GALNT18: variants seen among roughly 807,000 people sequenced by gnomAD.
The protein encoded by GALNT18 is polypeptide N-acetylgalactosaminyltransferase 18, also known as GalNAc-transferase 18.
In GALNT18, 44 loss-of-function variants were observed where a neutral mutation model predicts 69.5. That is an observed-to-expected ratio of 0.63 (90% CI 0.50 to 0.81). The LOEUF is 0.81. GALNT18 is among the 40% of genes least tolerant of loss of function. The probability of loss-of-function intolerance (pLI) is 0.00; values close to 1 mark genes in which losing one functional copy is unlikely to be tolerated. For missense variants in GALNT18, 715 were observed against 810.0 expected, an observed-to-expected ratio of 0.88 and a Z score of 1.42; for synonymous variants, 364 against 318.2, an observed-to-expected ratio of 1.14 and a Z score of -1.53.
At chr11:11,576,778 G>A (rs1858936013) in intron 1 of GALNT18, among the ~76,000 whole-genome samples, 2 of 152,222 alleles carry the variant, frequency 1.3e-5, no homozygotes, top group African/African-American at 2.4e-5. Context: ...ATGAGAATGT[G>A]CTTTTATAAA....
rs1855728540 is a variant in GALNT18 at position 11,448,949 on chromosome 11, G to A, written c.236-13C>T. 5.1e-6 allele frequency: 8 copies of A among 1,565,622 alleles called. No individual in the cohort carries two copies. Among genetic ancestry groups the A allele is most frequent in the South Asian group, 1.2e-5 (1 of 85,246 alleles). ...TTGGCAGGAGCCTCTGGAGAAAGAAGGAACAGGAGACAGTGGGTCAGAGTG... is the reference window on the plus strand; with the variant it reads ...TTGGCAGGAGCCTCTGGAGAAAGAAAGAACAGGAGACAGTGGGTCAGAGTG... On this transcript the variant is annotated splice_polypyrimidine_tract_variant and intron_variant, in intron 1 of 10. Transcript: ENST00000227756.
intron 1 of GALNT18, among the ~76,000 whole-genome samples, chr11:11,560,185 TGATGGGATG>T (rs1858469526): frequency 1.1e-4 from 3 of 27,210 alleles, no homozygotes; most frequent in African/African-American, 4.3e-4. Flanking sequence ...GAATGAGATA[TGATGGGATG>T]GGTGAGATAG....
intron 10 of GALNT18, among the ~76,000 whole-genome samples, chr11:11,278,456 A>T (rs1479420775): frequency 1.5e-4 from 23 of 152,166 alleles, no homozygotes; most frequent in African/African-American, 5.3e-4. Context: ...TGGCACGTGT[A>T]TACCTCTGTA....
intron 10 of GALNT18, among the ~76,000 whole-genome samples, chr11:11,273,479 G>A (rs1564872994): frequency 6.6e-6 from 1 of 152,122 alleles, no homozygotes. Flanking sequence ...AGAAAAGTAA[G>A]CAAAAACTAT....
chr11:11,416,101 G>C (rs550911950), intron 3 of GALNT18, among the ~76,000 whole-genome samples: 8 of 152,308 alleles, frequency 5.3e-5, no homozygotes, highest in African/African-American at 1.9e-4. Context: ...ACACAGACAA[G>C]CTCGCAGACA....
intron 6 of GALNT18, among the ~76,000 whole-genome samples, chr11:11,353,935 T>C (rs942037277): frequency 2.6e-5 from 4 of 152,308 alleles, no homozygotes; most frequent in South Asian, 4.1e-4. Context: ...CTGGTGTCTA[T>C]GTGTCTGGCT....
rs1159968814 is a variant in GALNT18 at position 11,484,593 on chromosome 11, CAAAAAAA to C, written c.236-35664_236-35658del. Among the ~76,000 whole-genome samples, 7 of 83,060 alleles carry C rather than the reference CAAAAAAA, an allele frequency of 8.4e-5. 1 individual carries two copies. In the East Asian group the frequency reaches 2.0e-3, roughly 24 times the overall value. 54.5% of individuals were successfully genotyped at this position (83,060 alleles called of 152,430 possible). On this transcript the variant is annotated intron_variant, in intron 1 of 10. Coordinates refer to ENST00000227756, the MANE Select transcript of GALNT18 (RefSeq NM_198516.3). ...GGGCAAAAAGAGCAAAACTCCATCTCAAAAAAAAAAAAAAAAAAAAAAATACCCAAGT... is the reference window on the plus strand; with the variant it reads ...GGGCAAAAAGAGCAAAACTCCATCTCAAAAAAAAAAAAAAAATACCCAAGT...
At position 11,356,741 on chromosome 11, in the gene GALNT18, G is replaced by GA. The variant is rs931510240; in HGVS notation, c.1093-15738dup. On this transcript the variant is annotated intron_variant, in intron 6 of 10. Transcript: ENST00000227756. This position sits in a 1 kb window ranked among gnomAD's most constrained non-coding sequence, Gnocchi z 4.4. Reference sequence around the variant, plus strand: ...TACAGCTCCCTCATTGAATGCAATTGAAAAAACCAAAGTGTGAAGACCATT... The same window carrying GA: ...TACAGCTCCCTCATTGAATGCAATTGAAAAAAACCAAAGTGTGAAGACCATT... Among the ~76,000 whole-genome samples, 7 of 152,212 alleles carry GA rather than the reference G, an allele frequency of 4.6e-5. No homozygotes were observed. Among genetic ancestry groups the GA allele is most frequent in the Non-Finnish European group, 1.0e-4 (7 of 68,010 alleles).
At position 11,496,455 on chromosome 11, in the gene GALNT18, C is replaced by T. The variant is rs1272684171; in HGVS notation, c.236-47519G>A. On this transcript the variant is annotated intron_variant, in intron 1 of 10. Coordinates refer to ENST00000227756, the MANE Select transcript of GALNT18 (RefSeq NM_198516.3). This position sits in a 1 kb window ranked among gnomAD's most constrained non-coding sequence, Gnocchi z 4.0. ...CCCAAACTTACCCAGCAGTACATTG[C>T]TATCAACTCCAATAATGGGGCATGC... Among the ~76,000 whole-genome samples, 1 of 152,204 alleles carries T rather than the reference C, an allele frequency of 6.6e-6. No homozygotes were observed. The highest frequency in any genetic ancestry group is 1.9e-4 in the East Asian group (1 of 5,194).
At position 11,402,559 on chromosome 11, in the gene GALNT18, G is replaced by A. The variant is rs1262530092; in HGVS notation, c.596-23295C>T. Among the ~76,000 whole-genome samples the A allele has an allele frequency of 2.0e-5, 3 of 152,228 alleles. No individual in the cohort carries two copies. Among genetic ancestry groups the A allele is most frequent in the Non-Finnish European group, 2.9e-5 (2 of 68,040 alleles). Reference sequence around the variant, plus strand: ...TCAGGGCATGGAGTTATGTGACACTGAGGACATCAGCCACAGCTCTTGGAG... The same window carrying A: ...TCAGGGCATGGAGTTATGTGACACTAAGGACATCAGCCACAGCTCTTGGAG... On this transcript the variant is annotated intron_variant, in intron 3 of 10. Coordinates refer to ENST00000227756, the MANE Select transcript of GALNT18 (RefSeq NM_198516.3). This position sits in a 1 kb window ranked among gnomAD's most constrained non-coding sequence, Gnocchi z 4.0.
chr11:11,499,427 G>A (rs985165296), intron 1 of GALNT18, among the ~76,000 whole-genome samples: 1 of 151,666 alleles, frequency 6.6e-6, no homozygotes, highest in Non-Finnish European at 1.5e-5. Flanking sequence ...ACTGCAGCCT[G>A]TTACCTCCCT....
At chr11:11,437,557 G>A (rs369164184) in intron 2 of GALNT18, among the ~76,000 whole-genome samples, 262 of 152,232 alleles carry the variant, frequency 1.7e-3, no homozygotes, top group South Asian at 6.0e-3. Flanking sequence ...TCATGTGAGA[G>A]GCGGGGAAGC....
At chr11:11,280,388 T>C (rs531106029) in intron 10 of GALNT18, among the ~76,000 whole-genome samples, 1 of 152,206 alleles carries the variant, frequency 6.6e-6, no homozygotes, top group African/African-American at 2.4e-5. Flanking sequence ...ATGGGACCCT[T>C]CAGCTCTGCT....
At position 11,333,737 on chromosome 11, in the gene GALNT18, G is replaced by A. The variant is rs147900862; in HGVS notation, c.1279-906C>T. 3.6e-3 allele frequency among the ~76,000 whole-genome samples: 549 copies of A among 152,258 alleles called. 2 individuals are homozygous for A. The highest frequency in any genetic ancestry group is 5.7e-3 in the Non-Finnish European group (391 of 68,010). On this transcript the variant is annotated intron_variant, in intron 7 of 10. Coordinates refer to ENST00000227756, the MANE Select transcript of GALNT18 (RefSeq NM_198516.3). ...ACCACGGTGCAGCAGCCAGGGAGCA[G>A]AAGTGACACATGATTGTGTCCAGGA...
intron 1 of GALNT18, among the ~76,000 whole-genome samples, chr11:11,559,942 G>A (rs550232283): frequency 2.7e-5 from 4 of 146,864 alleles, no homozygotes; most frequent in African/African-American, 1.0e-4. Flanking sequence ...TGATGGGATA[G>A]AATAGAATGG....
At chr11:11,403,795 A>G (rs1854522757) in intron 3 of GALNT18, among the ~76,000 whole-genome samples, 1 of 152,180 alleles carries the variant, frequency 6.6e-6, no homozygotes, top group African/African-American at 2.4e-5. Flanking sequence ...CTGGCCAGGT[A>G]CAGGAGAGAG....
At chr11:11,362,443 T>C (rs1270678876) in intron 6 of GALNT18, among the ~76,000 whole-genome samples, 1 of 152,130 alleles carries the variant, frequency 6.6e-6, no homozygotes. Flanking sequence ...ATTTGTATGA[T>C]GGGCAAAGTA....
In GALNT18 at chr11:11,419,619, A is replaced by AAAAAAAAG. The variant is rs1554932034; in HGVS notation, c.595+13001_595+13002insCTTTTTTT. On this transcript the variant is annotated intron_variant, in intron 3 of 10. Coordinates refer to ENST00000227756, the MANE Select transcript of GALNT18 (RefSeq NM_198516.3). ...CTCAAAAAAAAAAAAAAAAAAAAAA[A>AAAAAAAAG]AAAGAAAGAAGGAAAAGAAACCATG... 9.7e-4 allele frequency among the ~76,000 whole-genome samples: 125 copies of AAAAAAAAG among 128,422 alleles called. 4 individuals carry two copies. Among genetic ancestry groups the AAAAAAAAG allele is most frequent in the Non-Finnish European group, 1.5e-3 (93 of 60,018 alleles). 84.2% of individuals were successfully genotyped at this position (128,422 alleles called of 152,430 possible). A position where few individuals can be genotyped will look rare whatever the true frequency, so the allele number is the denominator to read the frequency against.
intron 1 of GALNT18, among the ~76,000 whole-genome samples, chr11:11,483,887 G>C (rs1196990983): frequency 6.6e-6 from 1 of 152,142 alleles, no homozygotes; most frequent in East Asian, 1.9e-4. Context: ...TTTTTGGATG[G>C]ATGATTAATG....
Sources: allele counts gnomAD v4.1 joint callset (sites outside exome capture counted in the v4.1 genomes callset), GRCh38; gene constraint gnomAD v4.1.1; non-coding constraint Gnocchi (gnomAD v3.1); transcripts MANE v1.5; gene names NCBI Gene and HGNC (gene_info 2026-07-23, HGNC 2026-07-21).